Variants in KDM2A observed in about 807,000 individuals in gnomAD.
The protein encoded by KDM2A is lysine-specific demethylase 2A.
KDM2A carries 3 observed loss-of-function variants against 137.3 expected under a neutral mutation model. The ratio of observed to expected loss-of-function variants is 0.02; its 90% CI spans 0.01 to 0.06. The LOEUF (loss-of-function observed/expected upper bound fraction) is 0.06. Among genes scored for constraint, KDM2A ranks in the 10% least tolerant of loss-of-function variants. KDM2A has a pLI of 1.00. For missense variants in KDM2A, 738 were observed against 1,510.6 expected (o/e 0.49, Z 8.48); for synonymous variants, 512 against 541.5 (o/e 0.95, Z 0.76).
intron 2 of KDM2A, among the ~76,000 whole-genome samples, chr11:67,132,459 A>G (rs1855875431): frequency 6.6e-6 from 1 of 151,804 alleles, no homozygotes; most frequent in African/African-American, 2.4e-5. Flanking sequence ...AATTTTTTGT[A>G]TTTTTAGTAG....
chr11:67,175,724 C>T (rs1259989784), intron 2 of KDM2A, among the ~76,000 whole-genome samples: 7 of 152,022 alleles, frequency 4.6e-5, no homozygotes, highest in East Asian at 1.9e-4. Flanking sequence ...AAGAAGAATC[C>T]GTTATGGTAG....
At chr11:67,235,726 A>T (rs1160936064) in intron 12 of KDM2A, among the ~76,000 whole-genome samples, 3 of 151,282 alleles carry the variant, frequency 2.0e-5, no homozygotes, top group Non-Finnish European at 4.4e-5. Context: ...GGTTCAAGTG[A>T]TTCTCCTGTC....
intron 11 of KDM2A, among the ~76,000 whole-genome samples, chr11:67,230,552 G>A (rs12798636): frequency 6.6e-6 from 1 of 152,000 alleles, no homozygotes; most frequent in African/African-American, 2.4e-5. Context: ...CTTGAGCCCA[G>A]GAGGTTGAGG....
chr11:67,222,059 C>CTTTTT (rs11373238), intron 10 of KDM2A, among the ~76,000 whole-genome samples: 7 of 110,392 alleles, frequency 6.3e-5, no homozygotes, highest in Admixed American at 2.0e-4. Context: ...CTCTGTCATT[C>CTTTTT]TTTTTTTTTT....
intron 2 of KDM2A, among the ~76,000 whole-genome samples, chr11:67,169,380 CTTTTTTTT>C (rs1169905276): frequency 7.5e-6 from 1 of 132,648 alleles, no homozygotes; most frequent in Non-Finnish European, 1.6e-5. Context: ...CTTTCTTTTT[CTTTTTTTT>C]TTTTTTTTGA....
At chr11:67,190,283 G>T (rs1249293851) in intron 5 of KDM2A, among the ~76,000 whole-genome samples, 1 of 151,864 alleles carries the variant, frequency 6.6e-6, no homozygotes, top group Non-Finnish European at 1.5e-5. Flanking sequence ...GGTGGTACAT[G>T]CCTGTAATCC....
chr11:67,179,376 C>T (rs1452304919), intron 2 of KDM2A, among the ~76,000 whole-genome samples: 1 of 152,114 alleles, frequency 6.6e-6, no homozygotes, highest in South Asian at 2.1e-4. Context: ...CAGGTTCAAG[C>T]GATTCTCCTG....
chr11:67,221,772 C>T (rs947723219), intron 10 of KDM2A, among the ~76,000 whole-genome samples: 26 of 151,978 alleles, frequency 1.7e-4, no homozygotes, highest in African/African-American at 5.1e-4. Context: ...GAGTTTGAGA[C>T]TCTCCTGGGC....
intron 12 of KDM2A, among the ~76,000 whole-genome samples, chr11:67,242,318 AAGAAAG>A (rs1859070639): frequency 6.6e-6 from 1 of 150,916 alleles, no homozygotes; most frequent in South Asian, 2.1e-4. Flanking sequence ...GAGAGAGAGA[AAGAAAG>A]AGATTTGAGA....
At chr11:67,129,505 C>T (rs191865100) in intron 2 of KDM2A, among the ~76,000 whole-genome samples, 17 of 151,888 alleles carry the variant, frequency 1.1e-4, no homozygotes, top group African/African-American at 3.6e-4. Context: ...AAGGCCGAGG[C>T]GGGCGGATCA....
chr11:67,183,665 C>A (rs1857138921), intron 5 of KDM2A, among the ~76,000 whole-genome samples: 1 of 152,182 alleles, frequency 6.6e-6, no homozygotes, highest in Admixed American at 6.5e-5. Flanking sequence ...GCCAACCAAG[C>A]CCATGACAAG....
At chr11:67,240,989 T>C (rs1340538254) in intron 12 of KDM2A, among the ~76,000 whole-genome samples, 1 of 152,138 alleles carries the variant, frequency 6.6e-6, no homozygotes, top group Non-Finnish European at 1.5e-5. Flanking sequence ...ATCTTGCAGG[T>C]AGAATTAGAC....
intron 2 of KDM2A, among the ~76,000 whole-genome samples, chr11:67,168,194 G>C (rs1403337591): frequency 6.6e-6 from 1 of 152,096 alleles, no homozygotes; most frequent in African/African-American, 2.4e-5. Flanking sequence ...AAAATTTGAA[G>C]AGATCACTGC....
intron 2 of KDM2A, among the ~76,000 whole-genome samples, chr11:67,138,017 C>CT (rs906823814): frequency 5.0e-4 from 76 of 152,226 alleles, no homozygotes; most frequent in African/African-American, 1.6e-3. Context: ...AGGATAATCT[C>CT]TATCTCCTGA....
intron 18 of KDM2A, 64 bp downstream of exon 18, chr11:67,252,921 A>G (rs1424183207): frequency 6.6e-7 from 1 of 1,525,800 alleles, no homozygotes; most frequent in Non-Finnish European, 8.9e-7. Flanking sequence ...GAAAAGTTGC[A>G]TTATTGGCAG....
At position 67,215,892 on chromosome 11, in the gene KDM2A, C is replaced by T; in HGVS notation, c.630C>T (p.Asp210=). ...CLMSVRGCYT[D]FHVDFGGTSV... The stretch of plus-strand genomic sequence containing the variant: ...TGAGTGTTCGAGGCTGCTATACTGA[C>T]TTCCATGTGGACTTTGGTGGTACCT... Residue 210 remains aspartate, a synonymous_variant, in exon 8 of 21, where the codon GAC becomes GAT. Coordinates refer to ENST00000529006, the MANE Select transcript of KDM2A (RefSeq NM_012308.3). 1 of 1,613,882 alleles carries T rather than the reference C, an allele frequency of 6.2e-7. No homozygotes were observed. The highest frequency in any genetic ancestry group is 8.5e-7 in the Non-Finnish European group (1 of 1,179,858).
At chr11:67,149,613 T>A (rs1856337380) in intron 2 of KDM2A, among the ~76,000 whole-genome samples, 1 of 152,052 alleles carries the variant, frequency 6.6e-6, no homozygotes, top group Admixed American at 6.5e-5. Context: ...CTTCCATGTC[T>A]TTTTCTTTGC....
At chr11:67,190,520 G>A (rs1017386028) in intron 5 of KDM2A, among the ~76,000 whole-genome samples, 1 of 152,154 alleles carries the variant, frequency 6.6e-6, no homozygotes, top group African/African-American at 2.4e-5. Context: ...AGCACTTTGG[G>A]AAGCCAAGGT....
At chr11:67,189,992 A>T (rs1857311316) in intron 5 of KDM2A, among the ~76,000 whole-genome samples, 1 of 152,232 alleles carries the variant, frequency 6.6e-6, no homozygotes, top group African/African-American at 2.4e-5. Flanking sequence ...AAAGAATAGA[A>T]AAACAATAGA....
Sources: allele counts gnomAD v4.1 joint callset (sites outside exome capture counted in the v4.1 genomes callset), GRCh38; gene constraint gnomAD v4.1.1; transcripts MANE v1.5; gene names NCBI Gene and HGNC (gene_info 2026-07-23, HGNC 2026-07-21).